The following FLRT2 variants were observed in gnomAD, a reference collection of about 807,000 sequenced individuals.
FLRT2 encodes the protein leucine-rich repeat transmembrane protein FLRT2.
In FLRT2, 15 loss-of-function variants were observed where a neutral mutation model predicts 40.0. That is an observed-to-expected ratio of 0.38 (90% CI 0.25 to 0.58). The LOEUF (loss-of-function observed/expected upper bound fraction) is 0.58. Ranked by LOEUF, FLRT2 falls within the 20% of genes least tolerant of loss-of-function variation. FLRT2 has a pLI of 0.71. For missense variants in FLRT2, 726 were observed against 840.0 expected (o/e 0.86, Z 1.68); for synonymous variants, 380 against 336.8 (o/e 1.13, Z -1.41).
chr14:85,541,717 G>A (rs1334343123), intron 1 of FLRT2, among the ~76,000 whole-genome samples: 1 of 152,134 alleles, frequency 6.6e-6, no homozygotes, highest in Non-Finnish European at 1.5e-5. Flanking sequence ...CTACTGACTT[G>A]TCTCAGTTTG....
chr14:85,580,206 G>A (rs1595049890), intron 1 of FLRT2, among the ~76,000 whole-genome samples: 1 of 152,160 alleles, frequency 6.6e-6, no homozygotes, highest in Non-Finnish European at 1.5e-5. Flanking sequence ...CAGCCTAATA[G>A]CAGGTGGGTG....
At chr14:85,616,698 T>C (rs956503174) in intron 1 of FLRT2, among the ~76,000 whole-genome samples, 2 of 152,198 alleles carry the variant, frequency 1.3e-5, no homozygotes, top group South Asian at 2.1e-4. Flanking sequence ...AGGGTAGAAC[T>C]CTTTCCACAG....
intron 1 of FLRT2, among the ~76,000 whole-genome samples, chr14:85,620,534 A>T (rs1180243142): frequency 6.6e-6 from 1 of 152,222 alleles, no homozygotes; most frequent in African/African-American, 2.4e-5. Flanking sequence ...ATGGCAACTT[A>T]TTCAGCTACA....
chr14:85,567,549 C>A (rs1890681557), intron 1 of FLRT2, among the ~76,000 whole-genome samples: 1 of 151,832 alleles, frequency 6.6e-6, no homozygotes, highest in African/African-American at 2.4e-5. Flanking sequence ...AGTTAGAGTA[C>A]CTGCTGTTAG....
rs71120529 is a variant in FLRT2, at chr14:85,611,917, C to CGTGTGTGTGTGTGTGT, written c.-376-9191_-376-9176dup. On this transcript the variant is annotated intron_variant, in intron 1 of 1. Coordinates refer to ENST00000330753, the MANE Select transcript of FLRT2 (RefSeq NM_013231.6). Reference sequence around the variant, plus strand: ...GAGAGAGAGCGCGCGTGCGCGAAAGCGTGTGTGTGTGTGTGTGTGTGTGTG... The same window carrying CGTGTGTGTGTGTGTGT: ...GAGAGAGAGCGCGCGTGCGCGAAAGCGTGTGTGTGTGTGTGTGTGTGTGTGTGTGTGTGTGTGTGTG... Among the ~76,000 whole-genome samples the CGTGTGTGTGTGTGTGT allele has an allele frequency of 1.7e-4, 22 of 130,952 alleles. 1 individual carries two copies. The highest frequency in any genetic ancestry group is 2.4e-4 in the Non-Finnish European group (15 of 61,786). 85.9% of individuals were successfully genotyped at this position (130,952 alleles called of 152,430 possible).
intron 1 of FLRT2, among the ~76,000 whole-genome samples, chr14:85,605,202 T>C (rs953382960): frequency 6.6e-6 from 1 of 152,142 alleles, no homozygotes; most frequent in African/African-American, 2.4e-5. Context: ...GAGCCCAGAG[T>C]TTTGTTTTCT....
chr14:85,550,931 T>C (rs1889584744), intron 1 of FLRT2, among the ~76,000 whole-genome samples: 1 of 152,148 alleles, frequency 6.6e-6, no homozygotes, highest in African/African-American at 2.4e-5. Flanking sequence ...TTAAATTTGG[T>C]CTTATGACAG....
chr14:85,601,194 G>A (rs1399972411), intron 1 of FLRT2, among the ~76,000 whole-genome samples: 1 of 152,152 alleles, frequency 6.6e-6, no homozygotes. Flanking sequence ...ATAGAAGGGA[G>A]ATGCAGCATG....
intron 1 of FLRT2, among the ~76,000 whole-genome samples, chr14:85,589,530 G>C (rs1243922124): frequency 1.3e-5 from 2 of 151,986 alleles, no homozygotes; most frequent in Non-Finnish European, 2.9e-5. Context: ...CAAATAGATA[G>C]TTTGTAAATA....
intron 1 of FLRT2, among the ~76,000 whole-genome samples, chr14:85,591,379 T>C (rs1037400830): frequency 2.6e-5 from 4 of 152,146 alleles, no homozygotes; most frequent in Non-Finnish European, 5.9e-5. Context: ...AAAAACTGAA[T>C]GAAAGCACGC....
intron 1 of FLRT2, among the ~76,000 whole-genome samples, chr14:85,589,198 A>C (rs1456561655): frequency 1.3e-5 from 2 of 152,200 alleles, no homozygotes; most frequent in African/African-American, 4.8e-5. Context: ...ACTGTTCTCC[A>C]CAGTGGTTAT....
At chr14:85,544,814 T>C (rs193209816) in intron 1 of FLRT2, among the ~76,000 whole-genome samples, 1 of 152,324 alleles carries the variant, frequency 6.6e-6, no homozygotes, top group African/African-American at 2.4e-5. Context: ...TGCCATTTGA[T>C]GGACAAAGTT....
intron 1 of FLRT2, among the ~76,000 whole-genome samples, chr14:85,604,769 G>C (rs533574967): frequency 1.3e-5 from 2 of 152,316 alleles, no homozygotes; most frequent in African/African-American, 4.8e-5. Context: ...TCAGAGCAGT[G>C]CTAAAGAAAT....
At chr14:85,613,920 A>C (rs183128994) in intron 1 of FLRT2, among the ~76,000 whole-genome samples, 2 of 152,334 alleles carry the variant, frequency 1.3e-5, no homozygotes, top group Admixed American at 1.3e-4. Context: ...CAATGAATGA[A>C]CAAGGAAAGT....
chr14:85,629,057 G>A lies in FLRT2; in HGVS notation c.*5560G>A, dbSNP rs540912641. 1 of 152,256 alleles carries A rather than the reference G, an allele frequency of 6.6e-6. No individual in the cohort carries two copies. The highest frequency in any genetic ancestry group is 2.4e-5 in the African/African-American group (1 of 41,540). 9.4% of individuals were successfully genotyped at this position (152,256 alleles called of 1,614,324 possible). A position where few individuals can be genotyped will look rare whatever the true frequency, so the allele number is the denominator to read the frequency against. Reference sequence around the variant, plus strand: ...ATTCATCTACTTTCTACAGCACTATGTTAGGGTCTTCCGGGGATTCAGAGA... The same window carrying A: ...ATTCATCTACTTTCTACAGCACTATATTAGGGTCTTCCGGGGATTCAGAGA... On this transcript the variant is annotated 3_prime_UTR_variant, in exon 2 of 2. Coordinates refer to ENST00000330753, the MANE Select transcript of FLRT2 (RefSeq NM_013231.6).
rs1040536067 is a variant in FLRT2 at position 85,651,505 on chromosome 14, A to C, written c.*28008A>C. 6.6e-6 allele frequency: 1 copy of C among 152,080 alleles called. No homozygotes were observed. The highest frequency in any genetic ancestry group is 1.5e-5 in the Non-Finnish European group (1 of 67,984). 9.4% of individuals were successfully genotyped at this position (152,080 alleles called of 1,614,324 possible). A position where few individuals can be genotyped will look rare whatever the true frequency, so the allele number is the denominator to read the frequency against. On this transcript the variant is annotated 3_prime_UTR_variant, in exon 2 of 2. Coordinates refer to ENST00000330753, the MANE Select transcript of FLRT2 (RefSeq NM_013231.6). ...GTATGTGCCTGTGTCCATTTATTTC[A>C]ATAATATCTTATACTATGACTCTAT...
At chr14:85,594,335 G>C (rs1294241403) in intron 1 of FLRT2, among the ~76,000 whole-genome samples, 1 of 152,162 alleles carries the variant, frequency 6.6e-6, no homozygotes, top group Non-Finnish European at 1.5e-5. Flanking sequence ...CTGGGGATTT[G>C]TGTTGTGTGT....
intron 1 of FLRT2, among the ~76,000 whole-genome samples, chr14:85,606,174 G>A (rs779933879): frequency 2.6e-5 from 4 of 152,208 alleles, no homozygotes; most frequent in Non-Finnish European, 2.9e-5. Context: ...AGGGACTCTT[G>A]GTGAGCGCAC....
In FLRT2 at chr14:85,637,773, C is replaced by A. The variant is rs1018234551; in HGVS notation, c.*14276C>A. The A allele has an allele frequency of 6.6e-6, 1 of 152,118 alleles. No individual in the cohort carries two copies. The highest frequency in any genetic ancestry group is 1.5e-5 in the Non-Finnish European group (1 of 68,024). The allele number at this position is 152,118 out of a possible 1,614,324, so 9.4% of individuals were successfully genotyped here. A position where few individuals can be genotyped will look rare whatever the true frequency, so the allele number is the denominator to read the frequency against. On this transcript the variant is annotated 3_prime_UTR_variant, in exon 2 of 2. Transcript: ENST00000330753. ...ATTTGAAACATAATAGTTTCCTTTGCGCTTCTGTGGATGTCTCTGAAAAAG... is the reference window on the plus strand; with the variant it reads ...ATTTGAAACATAATAGTTTCCTTTGAGCTTCTGTGGATGTCTCTGAAAAAG...
Sources: gnomAD v4.1 joint callset for allele counts (sites outside exome capture counted in the v4.1 genomes callset) on GRCh38, gnomAD v4.1.1 for gene constraint, MANE v1.5 for transcripts, NCBI Gene and HGNC (gene_info 2026-07-23, HGNC 2026-07-21) for gene names.